The following AUTS2 variants were observed in gnomAD, a reference collection of about 807,000 sequenced individuals.
The protein encoded by AUTS2 is autism susceptibility gene 2 protein.
AUTS2 carries 17 observed loss-of-function variants against 112.4 expected under a neutral mutation model. The ratio of observed to expected loss-of-function variants is 0.15; its 90% CI spans 0.10 to 0.23. The LOEUF is 0.23. Ranked by LOEUF, AUTS2 falls within the 10% of genes least tolerant of loss-of-function variation. AUTS2 has a pLI of 1.00. For synonymous variants in AUTS2, 751 were observed against 702.7 expected (o/e 1.07, Z -1.09); for missense variants, 1,510 against 1,701.6 (o/e 0.89, Z 1.98).
intron 1 of AUTS2, among the ~76,000 whole-genome samples, chr7:69,688,281 G>A (rs1353761379): frequency 6.6e-6 from 1 of 152,202 alleles, no homozygotes; most frequent in Non-Finnish European, 1.5e-5. Context: ...TTATCAGTGT[G>A]TGGGGCCTCA....
At chr7:70,226,360 AT>A (rs34184657) in intron 4 of AUTS2, among the ~76,000 whole-genome samples, 15,721 of 136,292 alleles carry the variant, frequency 0.12, 1,114 homozygotes, top group African/African-American at 0.21. Flanking sequence ...TGCCCGGCTA[AT>A]TTTTTTTTTT....
chr7:70,454,352 T>C (rs1796649474), intron 5 of AUTS2, among the ~76,000 whole-genome samples: 1 of 152,004 alleles, frequency 6.6e-6, no homozygotes, highest in Non-Finnish European at 1.5e-5. Flanking sequence ...CTGGCCAACA[T>C]GGTGAAACCC....
At chr7:69,901,665 C>T (rs1179294052) in intron 2 of AUTS2, among the ~76,000 whole-genome samples, 3 of 152,064 alleles carry the variant, frequency 2.0e-5, no homozygotes, top group Admixed American at 1.3e-4. Context: ...GTATCTTTGG[C>T]CCTATGTAAA....
At chr7:69,867,536 C>T (rs1793289819) in intron 1 of AUTS2, among the ~76,000 whole-genome samples, 3 of 152,112 alleles carry the variant, frequency 2.0e-5, no homozygotes, top group African/African-American at 4.8e-5. Flanking sequence ...TTGGTTTCCC[C>T]AGGGCAGTGA....
In AUTS2 at chr7:69,635,802, C is replaced by G. The variant is rs555631635; in HGVS notation, c.309+35840C>G. On this transcript the variant is annotated intron_variant, in intron 1 of 18. Transcript: ENST00000342771. The stretch of plus-strand genomic sequence containing the variant: ...TCGCTGTATTTTACAAAGCTAAACA[C>G]TTGTCGCTACTGACATTTCTCTATT... Among the ~76,000 whole-genome samples, 5 of 152,370 alleles carry G rather than the reference C, an allele frequency of 3.3e-5. No individual in the cohort carries two copies. The South Asian group carries it at 8.3e-4, about 25-fold the overall frequency.
At chr7:70,311,543 GT>G (rs1021066203) in intron 4 of AUTS2, among the ~76,000 whole-genome samples, 30 of 152,194 alleles carry the variant, frequency 2.0e-4, no homozygotes, top group Admixed American at 1.2e-3. Context: ...TTTTGTTGTT[GT>G]TTTTTGTTTT....
intron 5 of AUTS2, among the ~76,000 whole-genome samples, chr7:70,443,460 C>T (rs1203115894): frequency 6.6e-6 from 1 of 152,148 alleles, no homozygotes; most frequent in Non-Finnish European, 1.5e-5. Flanking sequence ...TTTACCTAGG[C>T]CCCAACAGCA....
chr7:70,685,637 A>G (rs1345304161), intron 5 of AUTS2, among the ~76,000 whole-genome samples: 1 of 152,120 alleles, frequency 6.6e-6, no homozygotes, highest in Non-Finnish European at 1.5e-5. Flanking sequence ...TTCAATATTC[A>G]TATTAGTCAT....
chr7:69,823,381 A>G (rs1584296978), intron 1 of AUTS2, among the ~76,000 whole-genome samples: 1 of 152,354 alleles, frequency 6.6e-6, no homozygotes, highest in Non-Finnish European at 1.5e-5. Flanking sequence ...AGACTCTTGT[A>G]GAAGCAAGGG....
chr7:70,487,809 G>A (rs376329893), intron 5 of AUTS2, among the ~76,000 whole-genome samples: 1 of 152,194 alleles, frequency 6.6e-6, no homozygotes, highest in Non-Finnish European at 1.5e-5. Flanking sequence ...AATCGGTGAG[G>A]AAAACTAATG....
intron 5 of AUTS2, among the ~76,000 whole-genome samples, chr7:70,625,163 G>A (rs1273562396): frequency 6.6e-6 from 1 of 152,132 alleles, no homozygotes; most frequent in Admixed American, 6.5e-5. Context: ...GATGCATAAT[G>A]AATTAGAGAT....
At chr7:69,946,569 CA>C (rs1796819235) in intron 2 of AUTS2, among the ~76,000 whole-genome samples, 1 of 56,250 alleles carries the variant, frequency 1.8e-5, no homozygotes, top group Admixed American at 1.5e-4. Flanking sequence ...CACACACACA[CA>C]CACACACACA....
At chr7:69,824,204 G>A (rs972250693) in intron 1 of AUTS2, among the ~76,000 whole-genome samples, 1 of 151,984 alleles carries the variant, frequency 6.6e-6, no homozygotes, top group African/African-American at 2.4e-5. Flanking sequence ...ACAAAGTCAG[G>A]AGTTCGAGAC....
In AUTS2 at chr7:69,915,951, T is replaced by C. The variant is rs189060184; in HGVS notation, c.522+16453T>C. ...CCAGGCTGGTCTCGAGCTCTTGAGC[T>C]CAAGCAATTCTCTTGCCTTGGCCTC... On this transcript the variant is annotated intron_variant, in intron 2 of 18. Transcript: ENST00000342771. 1.7e-4 allele frequency among the ~76,000 whole-genome samples: 26 copies of C among 152,292 alleles called. 1 individual carries two copies. The East Asian group carries it at 5.0e-3, about 29-fold the overall frequency.
At position 70,791,080 on chromosome 7, in the gene AUTS2, TCACA is replaced by T. The variant is rs1791921534; in HGVS notation, c.*87_*90del. ...TTGAGAGACAGAACTCCTGCATGGC[TCACA>T]CAGACTGGGGGGGAAAGCCCCACCC... On this transcript the variant is annotated 3_prime_UTR_variant, in exon 19 of 19. Coordinates refer to ENST00000342771, the MANE Select transcript of AUTS2 (RefSeq NM_015570.4). The T allele has an allele frequency of 1.5e-6, 2 of 1,333,716 alleles. No homozygotes were observed. The highest frequency in any genetic ancestry group is 4.3e-5 in the South Asian group (2 of 46,540). 82.6% of individuals were successfully genotyped at this position (1,333,716 alleles called of 1,614,324 possible). A position where few individuals can be genotyped will look rare whatever the true frequency, so the allele number is the denominator to read the frequency against.
intron 1 of AUTS2, among the ~76,000 whole-genome samples, chr7:69,865,251 T>C (rs1274917363): frequency 1.3e-5 from 2 of 151,962 alleles, no homozygotes; most frequent in Non-Finnish European, 2.9e-5. Flanking sequence ...TGTGAGACAA[T>C]ATTGGTTTGT....
intron 1 of AUTS2, among the ~76,000 whole-genome samples, chr7:69,823,900 T>C (rs1791117586): frequency 6.6e-6 from 1 of 152,132 alleles, no homozygotes; most frequent in South Asian, 2.1e-4. Context: ...TTGAGAGAAA[T>C]TGAGAATTCT....
chr7:70,676,850 C>T (rs577023855), intron 5 of AUTS2, among the ~76,000 whole-genome samples: 1 of 151,820 alleles, frequency 6.6e-6, no homozygotes, highest in South Asian at 2.1e-4. Flanking sequence ...GCACTCCAGC[C>T]TGGGCGACAA....
intron 2 of AUTS2, among the ~76,000 whole-genome samples, chr7:70,089,406 G>T (rs563748679): frequency 3.9e-5 from 6 of 151,940 alleles, no homozygotes; most frequent in Admixed American, 1.3e-4. Flanking sequence ...AATATATTTT[G>T]TCTGCTATTG....
Sources: gnomAD v4.1 joint callset for allele counts (sites outside exome capture counted in the v4.1 genomes callset) on GRCh38, gnomAD v4.1.1 for gene constraint, MANE v1.5 for transcripts, NCBI Gene and HGNC (gene_info 2026-07-23, HGNC 2026-07-21) for gene names.